The following PIKFYVE variants were observed in gnomAD, a reference collection of about 807,000 sequenced individuals.
PIKFYVE encodes the protein phosphoinositide kinase, FYVE-type zinc finger containing, also known as 1-phosphatidylinositol 3-phosphate 5-kinase.
PIKFYVE carries 122 observed loss-of-function variants against 257.9 expected under a neutral mutation model. The observed-to-expected ratio is 0.47, with a 90% CI of 0.41 to 0.55. PIKFYVE has a LOEUF of 0.55. PIKFYVE is among the 20% of genes least tolerant of loss of function. PIKFYVE has a pLI of 0.00. For missense variants in PIKFYVE, 2,160 were observed against 2,536.6 expected, an observed-to-expected ratio of 0.85 and a Z score of 3.19; for synonymous variants, 892 against 868.9, an observed-to-expected ratio of 1.03 and a Z score of -0.47.
intron 7 of PIKFYVE, among the ~76,000 whole-genome samples, chr2:208,291,659 G>A (rs567775107): frequency 1.3e-5 from 2 of 151,972 alleles, no homozygotes; most frequent in Non-Finnish European, 2.9e-5. Context: ...AAGAGAAATA[G>A]GTCTGTTTCG....
At position 208,335,396 on chromosome 2, in the gene PIKFYVE, G is replaced by C. The variant is rs150056760; in HGVS notation, c.4233G>C (p.Gln1411His). ...CCCCATTAAAAGTGTCCCTTCTTCA[G>C]GATCTGAAGGACTTCTTTCAAAAGT... Reference protein sequence around the residue: ...RQAPLKVSLLQDLKDFFQKVS... With the variant: ...RQAPLKVSLLHDLKDFFQKVS... The change falls in exon 25 of 42, where the codon CAG (glutamine) becomes CAC (histidine). Residue 1411 changes from glutamine to histidine, a missense_variant. Gln to His is a conservative substitution (Grantham distance 24, BLOSUM62 0). This residue lies in a region of PIKFYVE where 699 missense variants were observed against 855.8 expected (regional missense o/e 0.82). Coordinates refer to ENST00000264380, the MANE Select transcript of PIKFYVE (RefSeq NM_015040.4). 1.9e-6 allele frequency: 3 copies of C among 1,605,030 alleles called. No individual in the cohort carries two copies. In the South Asian group the frequency reaches 3.3e-5, roughly 18 times the overall value.
At chr2:208,288,523 T>A (rs1193767015) in intron 6 of PIKFYVE, among the ~76,000 whole-genome samples, 1 of 152,236 alleles carries the variant, frequency 6.6e-6, no homozygotes, top group Admixed American at 6.5e-5. Flanking sequence ...AAATTGTCAT[T>A]TCGGCATTTT....
chr2:208,277,692 A>G lies in PIKFYVE; in HGVS notation c.597A>G (p.Lys199=), dbSNP rs760059762. Residue 199 remains lysine (K), a synonymous_variant, in exon 5 of 42, where the codon AAA becomes AAG. Coordinates refer to ENST00000264380, the MANE Select transcript of PIKFYVE (RefSeq NM_015040.4). ...SRCCNQEIPG[K]FMGYTGDLRA... ...GCTGTAATCAAGAAATCCCTGGAAAATTTATGGGCTATACAGGTAAATGCA... is the reference window on the plus strand; with the variant it reads ...GCTGTAATCAAGAAATCCCTGGAAAGTTTATGGGCTATACAGGTAAATGCA... 11 of 1,613,830 alleles carry G rather than the reference A, an allele frequency of 6.8e-6. No individual in the cohort carries two copies. The highest frequency in any genetic ancestry group is 9.3e-6 in the Non-Finnish European group (11 of 1,179,714).
At chr2:208,314,712 CA>C (rs1249395836) in intron 14 of PIKFYVE, among the ~76,000 whole-genome samples, 1 of 152,132 alleles carries the variant, frequency 6.6e-6, no homozygotes, top group Non-Finnish European at 1.5e-5. Flanking sequence ...GCCTGGCCAA[CA>C]TGGTAAAACC....
At chr2:208,354,966 C>A (rs146017091) in intron 41 of PIKFYVE, among the ~76,000 whole-genome samples, 1 of 152,204 alleles carries the variant, frequency 6.6e-6, no homozygotes, top group Non-Finnish European at 1.5e-5. Context: ...TCTTAGACAT[C>A]GCTCATCTCT....
chr2:208,276,551 T>A (rs1271415813), intron 3 of PIKFYVE, among the ~76,000 whole-genome samples, 161 bp from the exon 4 acceptor site: 1 of 152,200 alleles, frequency 6.6e-6, no homozygotes, highest in Non-Finnish European at 1.5e-5. Context: ...AGTAGCCTCT[T>A]ACCCTTATAA....
Position 208,325,674 on chromosome 2 carries a change from C to G in PIKFYVE, c.2863C>G (p.His955Asp). Reference protein sequence around the residue: ...NLPQAVASVKHQEHSTTACPA... With the variant: ...NLPQAVASVKDQEHSTTACPA... The stretch of plus-strand genomic sequence containing the variant: ...TCCGCAGGCTGTTGCCTCTGTGAAG[C>G]ATCAAGAACATAGCACAACAGCTTG... The change falls in exon 20 of 42, where the codon CAT becomes GAT. Residue 955 changes from histidine to aspartate, a missense_variant. Transcript: ENST00000264380. The G allele has an allele frequency of 6.2e-7, 1 of 1,614,122 alleles. No individual in the cohort carries two copies.
At chr2:208,351,886 C>A (rs1173874585) in intron 38 of PIKFYVE, among the ~76,000 whole-genome samples, 1 of 152,156 alleles carries the variant, frequency 6.6e-6, no homozygotes, top group African/African-American at 2.4e-5. Context: ...GGCCGCACCT[C>A]CAACATTGCA....
intron 5 of PIKFYVE, 107 bp from the exon 6 acceptor site, chr2:208,285,619 T>C: frequency 2.3e-6 from 2 of 884,282 alleles, no homozygotes; most frequent in Non-Finnish European, 3.7e-6. Flanking sequence ...ATTTCCGTTA[T>C]TAGATGAACT....
chr2:208,287,396 C>T (rs755633321), intron 6 of PIKFYVE, among the ~76,000 whole-genome samples: 31 of 151,704 alleles, frequency 2.0e-4, no homozygotes, highest in Non-Finnish European at 3.8e-4. Context: ...GCCTCAACCT[C>T]CTGAGTAGCT....
intron 41 of PIKFYVE, among the ~76,000 whole-genome samples, 157 bp downstream of exon 41, chr2:208,354,802 T>G (rs763706024): frequency 6.6e-6 from 1 of 152,222 alleles, no homozygotes; most frequent in Non-Finnish European, 1.5e-5. Context: ...ATGAGAATTA[T>G]ATAGGTGGGG....
intron 17 of PIKFYVE, among the ~76,000 whole-genome samples, chr2:208,323,298 C>T (rs1226414195): frequency 8.2e-6 from 1 of 121,866 alleles, no homozygotes; most frequent in Non-Finnish European, 1.7e-5. Context: ...GTGTGATGTT[C>T]CCCTTCCTGT....
At chr2:208,326,639 G>T (rs912846155) in intron 20 of PIKFYVE, among the ~76,000 whole-genome samples, 7 of 152,158 alleles carry the variant, frequency 4.6e-5, no homozygotes, top group Non-Finnish European at 7.3e-5. Flanking sequence ...CTGGGTTTCA[G>T]GGTTTTAAGG....
At chr2:208,274,926 G>A (rs1020432899) in intron 3 of PIKFYVE, among the ~76,000 whole-genome samples, 8 of 152,086 alleles carry the variant, frequency 5.3e-5, no homozygotes, top group Non-Finnish European at 8.8e-5. Context: ...AATATTTTAG[G>A]AGTTACAAAT....
At position 208,298,722 on chromosome 2, in the gene PIKFYVE, G is replaced by C; in HGVS notation, c.993G>C (p.Gln331His). The change falls in exon 8 of 42, where the codon CAG becomes CAC. Residue 331 changes from glutamine to histidine, a missense_variant. By Grantham distance (24) the Gln-to-His change is conservative. Transcript: ENST00000264380. Reference sequence around the variant, plus strand: ...CATATGAGACATCTGTCAGTCCCCAGGCTAACCGAACATATGTTAGGACAG... The same window carrying C: ...CATATGAGACATCTGTCAGTCCCCACGCTAACCGAACATATGTTAGGACAG... ...VPSYETSVSP[Q>H]ANRTYVRTET... The C allele has an allele frequency of 6.2e-7, 1 of 1,614,124 alleles. No individual in the cohort carries two copies. Among genetic ancestry groups the C allele is most frequent in the Non-Finnish European group, 8.5e-7 (1 of 1,179,990 alleles).
chr2:208,347,417 G>C (rs1245520068), intron 34 of PIKFYVE, among the ~76,000 whole-genome samples: 1 of 152,144 alleles, frequency 6.6e-6, no homozygotes, highest in Non-Finnish European at 1.5e-5. Context: ...ATGACACAAA[G>C]ATGTTACCTT....
In PIKFYVE at chr2:208,273,747, C is replaced by T; in HGVS notation, c.322+14C>T. The T allele has an allele frequency of 6.2e-7, 1 of 1,613,838 alleles. No homozygotes were observed. Among genetic ancestry groups the T allele is most frequent in the Non-Finnish European group, 8.5e-7 (1 of 1,179,752 alleles). ...CTTCAGCATTAGGTAAAACAGTGTT[C>T]TTATTTCATTCCCTTCTATATGCTA... is the stretch of plus-strand genomic sequence containing the variant. On this transcript the variant is annotated intron_variant, in intron 3 of 41. Transcript: ENST00000264380.
intron 38 of PIKFYVE, among the ~76,000 whole-genome samples, chr2:208,351,879 C>T (rs550586970): frequency 9.1e-4 from 138 of 152,240 alleles, no homozygotes; most frequent in African/African-American, 3.2e-3. Flanking sequence ...CTCACCAGGC[C>T]GCACCTCCAA....
intron 21 of PIKFYVE, 110 bp downstream of exon 21, chr2:208,328,390 A>C: frequency 1.6e-6 from 2 of 1,274,428 alleles, no homozygotes; most frequent in East Asian, 4.8e-5. Context: ...GGTACACAGC[A>C]CACTGCTGGT....
Sources: gnomAD v4.1 joint callset for allele counts (sites outside exome capture counted in the v4.1 genomes callset) on GRCh38, gnomAD v4.1.1 for gene constraint, gnomAD v4.1.1 regional missense constraint, MANE v1.5 for transcripts, NCBI Gene and HGNC (gene_info 2026-07-23, HGNC 2026-07-21) for gene names.